The following INPP5F variants were observed in gnomAD, a reference collection of about 807,000 sequenced individuals.
The protein encoded by INPP5F is inositol polyphosphate-5-phosphatase F.
A neutral mutation model predicts 137.2 loss-of-function variants in INPP5F; 97 were observed. The ratio of observed to expected loss-of-function variants is 0.71; its 90% confidence interval spans 0.60 to 0.84. INPP5F has a LOEUF of 0.84. Ranked by LOEUF, INPP5F falls within the 40% of genes least tolerant of loss-of-function variation. The pLI is 0.00. For missense variants in INPP5F, 1,271 were observed against 1,371.9 expected (o/e 0.93, Z 1.16); for synonymous variants, 504 against 476.9 (o/e 1.06, Z -0.74).
At chr10:119,794,344 A>G (rs1850250511) in intron 6 of INPP5F, among the ~76,000 whole-genome samples, 3 of 152,230 alleles carry the variant, frequency 2.0e-5, no homozygotes, top group Admixed American at 2.0e-4. Context: ...GGGTAAGGTC[A>G]CAGATCAACA....
intron 6 of INPP5F, among the ~76,000 whole-genome samples, chr10:119,796,234 G>A (rs994247745): frequency 3.9e-5 from 6 of 152,012 alleles, no homozygotes; most frequent in Non-Finnish European, 8.8e-5. Flanking sequence ...AAATAAAGCC[G>A]ACCTATGTGT....
At chr10:119,730,359 C>A (rs892238334) in intron 1 of INPP5F, among the ~76,000 whole-genome samples, 5 of 152,238 alleles carry the variant, frequency 3.3e-5, no homozygotes, top group Admixed American at 6.5e-5. Flanking sequence ...ATCCACCCTC[C>A]CCGGCCTCCC....
intron 2 of INPP5F, among the ~76,000 whole-genome samples, chr10:119,764,224 T>G (rs758043212): frequency 1.4e-4 from 21 of 152,214 alleles, no homozygotes; most frequent in Admixed American, 6.5e-5. Context: ...CAAAGCTGCT[T>G]CCACATCTTT....
At chr10:119,785,286 G>GTTGTTTTTTTTTT (rs770290302) in intron 3 of INPP5F, among the ~76,000 whole-genome samples, 4 of 106,228 alleles carry the variant, frequency 3.8e-5, no homozygotes, top group Admixed American at 2.0e-4. Flanking sequence ...CTGCCAGACT[G>GTTGTTTTTTTTTT]TTTTTTTTTT....
chr10:119,773,045 G>T (rs999784666), intron 2 of INPP5F, among the ~76,000 whole-genome samples: 2 of 151,772 alleles, frequency 1.3e-5, no homozygotes, highest in African/African-American at 4.8e-5. Context: ...ACTGCGCCCA[G>T]CCTAATTTTT....
chr10:119,756,259 C>G (rs1017925870), intron 2 of INPP5F, among the ~76,000 whole-genome samples: 1 of 152,144 alleles, frequency 6.6e-6, no homozygotes, highest in African/African-American at 2.4e-5. Flanking sequence ...TCAAGAACCA[C>G]TTAGATTGTG....
Position 119,792,984 on chromosome 10 carries a change from C to T in INPP5F, c.669+771C>T, listed in dbSNP as rs1404281001. On this transcript the variant is annotated intron_variant, in intron 6 of 19. Transcript: ENST00000650623. ...TTTTCACATAATCTAGTGGTGTCTTCGCTAGATACCCATCAATTGCCTCTA... is the reference window on the plus strand; with the variant it reads ...TTTTCACATAATCTAGTGGTGTCTTTGCTAGATACCCATCAATTGCCTCTA... 2.0e-5 allele frequency among the ~76,000 whole-genome samples: 3 copies of T among 151,960 alleles called. 1 individual carries two copies. The highest frequency in any genetic ancestry group is 3.9e-4 in the East Asian group (2 of 5,186).
chr10:119,820,930 T>C lies in INPP5F; in HGVS notation c.1958+13T>C. ...ACTACGTGGCCTAGTAAGTTGCTTA[T>C]TGATTTAAAGGTTTTGATTTTGTTT... On this transcript the variant is annotated intron_variant, in intron 16 of 19. Transcript: ENST00000650623. 6.4e-7 allele frequency: 1 copy of C among 1,553,090 alleles called. No homozygotes were observed. Among genetic ancestry groups the C allele is most frequent in the Non-Finnish European group, 8.9e-7 (1 of 1,125,270 alleles).
intron 15 of INPP5F, among the ~76,000 whole-genome samples, chr10:119,820,296 T>C (rs1378035428): frequency 1.3e-5 from 2 of 152,220 alleles, no homozygotes; most frequent in Admixed American, 1.3e-4. Context: ...AAGTGTTTGT[T>C]TATTGAAAGC....
chr10:119,740,556 T>A (rs1848342656), intron 1 of INPP5F, among the ~76,000 whole-genome samples: 1 of 152,254 alleles, frequency 6.6e-6, no homozygotes, highest in Non-Finnish European at 1.5e-5. Flanking sequence ...TTTTTCTTTT[T>A]TTTTGAGACG....
chr10:119,780,127 A>G (rs1025117054), intron 2 of INPP5F, among the ~76,000 whole-genome samples: 2 of 152,186 alleles, frequency 1.3e-5, no homozygotes, highest in Admixed American at 1.3e-4. Context: ...CAGCTCCATG[A>G]TAATTTTAAG....
rs952344502 is a variant in INPP5F at position 119,814,512 on chromosome 10, A to G, written c.1886+2557A>G. On this transcript the variant is annotated intron_variant, in intron 15 of 19. Transcript: ENST00000650623. ...CCATCAGTGACACGTGTTAGACAGC[A>G]AGGGCCAGTGCATCCTTCCTGTTTC... The G allele has an allele frequency of 2.0e-5, 3 of 152,390 alleles. No individual in the cohort carries two copies. In the East Asian group the frequency reaches 5.8e-4, roughly 29 times the overall value. 9.4% of individuals were successfully genotyped at this position (152,390 alleles called of 1,614,324 possible). A position where few individuals can be genotyped will look rare whatever the true frequency, so the allele number is the denominator to read the frequency against.
At chr10:119,754,509 A>C (rs1848779035) in intron 2 of INPP5F, among the ~76,000 whole-genome samples, 1 of 152,220 alleles carries the variant, frequency 6.6e-6, no homozygotes, top group East Asian at 1.9e-4. Context: ...GGTGGAGGGT[A>C]GAGTGAACTG....
At chr10:119,752,742 T>C (rs1848723947) in intron 2 of INPP5F, among the ~76,000 whole-genome samples, 1 of 152,112 alleles carries the variant, frequency 6.6e-6, no homozygotes, top group Admixed American at 6.5e-5. Flanking sequence ...ATTATATAGG[T>C]ATTCCTAAAG....
At chr10:119,765,878 T>G (rs1028390790) in intron 2 of INPP5F, among the ~76,000 whole-genome samples, 44 of 28,392 alleles carry the variant, frequency 1.5e-3, no homozygotes, top group African/African-American at 2.7e-3. Flanking sequence ...TATATATATA[T>G]ATAGAGAGAG....
At chr10:119,815,620 C>T in intron 15 of INPP5F, 1 of 296,572 alleles carries the variant, frequency 3.4e-6, no homozygotes, top group Non-Finnish European at 6.8e-6. Context: ...GCTCTTCAGT[C>T]CAGAGAAGCT....
At chr10:119,803,897 A>G (rs1850677876) in intron 9 of INPP5F, among the ~76,000 whole-genome samples, 1 of 152,142 alleles carries the variant, frequency 6.6e-6, no homozygotes, top group South Asian at 2.1e-4. Flanking sequence ...TGTTTTCATT[A>G]TTTCATTCTA....
At chr10:119,757,919 C>T (rs1056215741) in intron 2 of INPP5F, among the ~76,000 whole-genome samples, 9 of 152,188 alleles carry the variant, frequency 5.9e-5, no homozygotes, top group Non-Finnish European at 1.3e-4. Flanking sequence ...CATGTCTATT[C>T]TGCTTACCTG....
intron 9 of INPP5F, among the ~76,000 whole-genome samples, chr10:119,801,113 T>A (rs1366673451): frequency 1.3e-5 from 2 of 152,172 alleles, no homozygotes; most frequent in Non-Finnish European, 2.9e-5. Context: ...ACCTAATTGT[T>A]CATCAGGAGG....
Sources: gnomAD v4.1 joint callset for allele counts (sites outside exome capture counted in the v4.1 genomes callset) on GRCh38, gnomAD v4.1.1 for gene constraint, MANE v1.5 for transcripts, NCBI Gene and HGNC (gene_info 2026-07-23, HGNC 2026-07-21) for gene names.